BARD1: variants seen among roughly 807,000 people sequenced by gnomAD.
BARD1 encodes BRCA1-associated RING domain protein 1.
In BARD1, 73 loss-of-function variants were observed where a neutral mutation model predicts 77.0. The ratio of observed to expected loss-of-function variants is 0.95; its 90% CI spans 0.79 to 1.15. BARD1 has a LOEUF of 1.15. Among genes scored for constraint, BARD1 ranks in the 50% most tolerant of loss-of-function variants. The pLI, the probability that BARD1 is intolerant of heterozygous loss-of-function variation, is 0.00. For missense variants in BARD1, 993 were observed against 938.8 expected (o/e 1.06, Z -0.75); for synonymous variants, 384 against 338.0 (o/e 1.14, Z -1.49).
At position 214,728,281 on chromosome 2, in the gene BARD1, TA is replaced by T. The variant is rs754881729; in HGVS notation, c.*394del. ...AATTGTTTGATAATATTCTGTTTAC[TA>T]AAAAAAAAAAAAAAAAAAAGGCAAG... On this transcript the variant is annotated 3_prime_UTR_variant, in exon 11 of 11. Transcript: ENST00000260947. The T allele has an allele frequency of 0.081, 11,953 of 147,840 alleles. 2 individuals carry two copies. Among genetic ancestry groups the T allele is most frequent in the East Asian group, 0.15 (1,637 of 11,060 alleles). 9.2% of individuals were successfully genotyped at this position (147,840 alleles called of 1,614,324 possible).
intron 7 of BARD1, among the ~76,000 whole-genome samples, chr2:214,751,691 T>G (rs1264994218): frequency 6.6e-6 from 1 of 152,176 alleles, no homozygotes; most frequent in Non-Finnish European, 1.5e-5. Context: ...ATCTATTCGA[T>G]ATCTCCATTT....
intron 6 of BARD1, among the ~76,000 whole-genome samples, chr2:214,762,032 T>C (rs555426382): frequency 6.6e-6 from 1 of 152,282 alleles, no homozygotes; most frequent in East Asian, 1.9e-4. Context: ...TCCAGTTTAC[T>C]AGCAACAAAT....
At chr2:214,807,215 T>TA (rs577081009) in intron 1 of BARD1, among the ~76,000 whole-genome samples, 109 of 145,786 alleles carry the variant, frequency 7.5e-4, no homozygotes, top group East Asian at 5.2e-3. Context: ...AGGTTCGGAT[T>TA]AAAAAAAAAA....
At chr2:214,794,140 C>T (rs1695652109) in intron 2 of BARD1, among the ~76,000 whole-genome samples, 1 of 152,032 alleles carries the variant, frequency 6.6e-6, no homozygotes, top group Admixed American at 6.6e-5. Flanking sequence ...GTAGTCTCAG[C>T]TACTCAGAAA....
chr2:214,782,289 C>T (rs1695077604), intron 3 of BARD1, among the ~76,000 whole-genome samples: 3 of 151,942 alleles, frequency 2.0e-5, no homozygotes, highest in South Asian at 4.2e-4. Context: ...TCACTTACAT[C>T]AAATATAAAA....
rs140420677 is a variant in BARD1, at chr2:214,726,601, A to G, written c.*2075T>C. The G allele has an allele frequency of 4.3e-4, 98 of 229,896 alleles. No individual in the cohort carries two copies. The East Asian group carries it at 6.0e-3, about 14-fold the overall frequency. 14.2% of individuals were successfully genotyped at this position (229,896 alleles called of 1,614,324 possible). ...GTTGAGCCTCATTCAACAGCACAGA[A>G]TAAGCCAATTTTATACAAGACACAG... is the stretch of plus-strand genomic sequence containing the variant. On this transcript the variant is annotated 3_prime_UTR_variant, in exon 11 of 11. Transcript: ENST00000260947.
chr2:214,752,689 A>C, intron 6 of BARD1, 134 bp from the exon 7 acceptor site: 2 of 721,056 alleles, frequency 2.8e-6, no homozygotes. Flanking sequence ...AGAATCTAGA[A>C]TCAAAAGCTG....
intron 8 of BARD1, 86 bp from the exon 9 acceptor site, chr2:214,745,245 T>C (rs1375129229): frequency 1.7e-6 from 2 of 1,184,308 alleles, no homozygotes; most frequent in African/African-American, 3.1e-5. Context: ...ATCTATATTT[T>C]GTAAGCTTAT....
At chr2:214,778,776 C>T (rs17487792) in intron 4 of BARD1, among the ~76,000 whole-genome samples, 24,861 of 152,148 alleles carry the variant, frequency 0.16, 2,450 homozygotes, top group South Asian at 0.23. Flanking sequence ...CTAACTGCAC[C>T]TTTAAGAAAG....
rs587781520 is a variant in BARD1, at chr2:214,781,287, T to C, written c.587A>G (p.Lys196Arg). The change falls in exon 4 of 11, where the codon AAA becomes AGA. Residue 196 changes from lysine to arginine, a missense_variant. By Grantham distance (26) the Lys-to-Arg change is conservative. Transcript: ENST00000260947. ...TTTTCCAGATCTTGCAGAAGCCTTTTTAGCCCTCTCAGAAACATCTGCAGG... is the reference window on the plus strand; with the variant it reads ...TTTTCCAGATCTTGCAGAAGCCTTTCTAGCCCTCTCAGAAACATCTGCAGG... ...SPPADVSERA[K>R]KASARSGKKQ... The C allele has an allele frequency of 3.1e-6, 5 of 1,605,896 alleles. No individual in the cohort carries two copies. Among genetic ancestry groups the C allele is most frequent in the Non-Finnish European group, 4.2e-6 (5 of 1,178,056 alleles).
Position 214,728,949 on chromosome 2 carries a change from T to C in BARD1, c.2061A>G (p.Pro687=), listed in dbSNP as rs750597867. The change falls in exon 11 of 11, where the codon CCA becomes CCG. Residue 687 remains proline (P), a synonymous_variant. Transcript: ENST00000260947. ...TGACGAGCTTAATAAGGTTGTCCTT[T>C]GGATGGTGTTTGAAGGTTCCCCACA... ...FYLWGTFKHH[P]KDNLIKLVTA... is the part of the protein sequence containing the mutation. 1.2e-6 allele frequency: 2 copies of C among 1,614,216 alleles called. No homozygotes were observed.
intron 1 of BARD1, among the ~76,000 whole-genome samples, chr2:214,803,540 A>G (rs1696127372): frequency 6.6e-6 from 1 of 152,228 alleles, no homozygotes; most frequent in Non-Finnish European, 1.5e-5. Flanking sequence ...ATGCATATCT[A>G]AAAGCACAGT....
intron 3 of BARD1, among the ~76,000 whole-genome samples, chr2:214,787,820 A>T (rs1695339195): frequency 6.6e-6 from 1 of 151,966 alleles, no homozygotes; most frequent in Non-Finnish European, 1.5e-5. Flanking sequence ...AATCTACATC[A>T]AAGGATTATA....
intron 3 of BARD1, 145 bp from the exon 4 acceptor site, chr2:214,781,654 T>C: frequency 3.0e-6 from 2 of 663,086 alleles, no homozygotes; most frequent in South Asian, 2.0e-5. Flanking sequence ...GTGTGAACTC[T>C]TTGATAGCAG....
At chr2:214,767,099 G>T (rs1169689185) in intron 6 of BARD1, among the ~76,000 whole-genome samples, 2 of 152,092 alleles carry the variant, frequency 1.3e-5, no homozygotes, top group Non-Finnish European at 2.9e-5. Flanking sequence ...TCATGCGTTA[G>T]TTTACTAAGG....
intron 1 of BARD1, 74 bp downstream of exon 1, chr2:214,809,338 G>C (rs2106170354): frequency 6.3e-7 from 1 of 1,586,920 alleles, no homozygotes; most frequent in Non-Finnish European, 8.6e-7. Context: ...CGGAAGATTT[G>C]AAAAGATTCT....
chr2:214,807,642 G>T (rs1405425549), intron 1 of BARD1, among the ~76,000 whole-genome samples: 1 of 152,148 alleles, frequency 6.6e-6, no homozygotes, highest in African/African-American at 2.4e-5. Context: ...CCAGAATAGG[G>T]TCTGGCACTT....
rs1384538311 is a variant in BARD1, at chr2:214,728,101, A to G, written c.*575T>C. 1 of 228,614 alleles carries G rather than the reference A, an allele frequency of 4.4e-6. No homozygotes were observed. Among genetic ancestry groups the G allele is most frequent in the African/African-American group, 2.2e-5 (1 of 44,886 alleles). The allele number at this position is 228,614 out of a possible 1,614,324, so 14.2% of individuals were successfully genotyped here. A position where few individuals can be genotyped will look rare whatever the true frequency, so the allele number is the denominator to read the frequency against. Reference sequence around the variant, plus strand: ...AATTTCCTGATGATATACAAGATAAAAAACAGGGATGAAAGTGTAGAAACA... The same window carrying G: ...AATTTCCTGATGATATACAAGATAAGAAACAGGGATGAAAGTGTAGAAACA... On this transcript the variant is annotated 3_prime_UTR_variant, in exon 11 of 11. Coordinates refer to ENST00000260947, the MANE Select transcript of BARD1 (RefSeq NM_000465.4).
chr2:214,806,767 AG>A (rs1211330586), intron 1 of BARD1, among the ~76,000 whole-genome samples: 2 of 151,178 alleles, frequency 1.3e-5, no homozygotes, highest in Non-Finnish European at 2.9e-5. Flanking sequence ...CCAGCTACTC[AG>A]GAGGCTGAGG....
Sources: allele counts gnomAD v4.1 joint callset (sites outside exome capture counted in the v4.1 genomes callset), GRCh38; gene constraint gnomAD v4.1.1; transcripts MANE v1.5; gene names NCBI Gene and HGNC (gene_info 2026-07-23, HGNC 2026-07-21).